The following LIMA1 variants were observed in gnomAD, a reference collection of about 807,000 sequenced individuals.
LIMA1 encodes LIM domain and actin binding 1, also known as LIM domain and actin-binding protein 1.
LIMA1 carries 52 observed loss-of-function variants against 62.6 expected under a neutral mutation model. The observed-to-expected ratio is 0.83, with a 90% CI of 0.67 to 1.05. The LOEUF (loss-of-function observed/expected upper bound fraction) is 1.05, where lower values mean the gene tolerates loss of function less well. LIMA1 is among the 50% of genes least tolerant of loss of function. The pLI is 0.00. For missense variants in LIMA1, 780 were observed against 902.2 expected, an observed-to-expected ratio of 0.86 and a Z score of 1.74; for synonymous variants, 302 against 317.8, an observed-to-expected ratio of 0.95 and a Z score of 0.53.
In LIMA1 at chr12:50,234,153, T is replaced by A. The variant is rs561163545; in HGVS notation, c.120-2443A>T. ...AGGTTTTCTCCATTTAAAGACTAAG[T>A]GGTCCGGAGATTTGTGCAGGTACAA... On this transcript the variant is annotated intron_variant, in intron 2 of 10. Transcript: ENST00000341247. The A allele has an allele frequency of 4.1e-4, 190 of 461,650 alleles. No individual in the cohort carries two copies. In the East Asian group the frequency reaches 0.013, roughly 31 times the overall value. The allele number at this position is 461,650 out of a possible 1,614,324, so 28.6% of individuals were successfully genotyped here. A position where few individuals can be genotyped will look rare whatever the true frequency, so the allele number is the denominator to read the frequency against.
At chr12:50,182,908 G>C (rs1940536244) in intron 9 of LIMA1, among the ~76,000 whole-genome samples, 1 of 152,136 alleles carries the variant, frequency 6.6e-6, no homozygotes, top group African/African-American at 2.4e-5. Context: ...CACATGATAA[G>C]AAATAGTTAC....
chr12:50,178,951 C>CATATATAT (rs535492365), intron 10 of LIMA1, among the ~76,000 whole-genome samples: 1 of 138,568 alleles, frequency 7.2e-6, no homozygotes, highest in African/African-American at 2.7e-5. Context: ...TATATAAATA[C>CATATATAT]ATATATATAT....
At position 50,177,762 on chromosome 12, in the gene LIMA1, G is replaced by T. The variant is rs1468342480; in HGVS notation, c.1582C>A (p.Leu528Met). The T allele has an allele frequency of 6.2e-7, 1 of 1,613,994 alleles. No individual in the cohort carries two copies. The highest frequency in any genetic ancestry group is 2.2e-5 in the East Asian group (1 of 44,892). ...KEDKPAETKK[L>M]RIAWPPPTEL... ...GTGGGGGGTGGCCAGGCGATCCTCA[G>T]CTTCTTGGTTTCAGCTGGCTTGTCT... Residue 528 changes from leucine to methionine, a missense_variant, in exon 11 of 11, where the codon CTG (leucine) becomes ATG (methionine). By Grantham distance (15) the Leu-to-Met change is conservative. Transcript: ENST00000341247.
At chr12:50,263,460 A>T (rs1942095869) in intron 1 of LIMA1, among the ~76,000 whole-genome samples, 1 of 152,204 alleles carries the variant, frequency 6.6e-6, no homozygotes, top group South Asian at 2.1e-4. Context: ...GAGCGATCAG[A>T]AGCAACATGT....
At chr12:50,263,857 GT>G (rs1305454310) in intron 1 of LIMA1, among the ~76,000 whole-genome samples, 4,868 of 125,642 alleles carry the variant, frequency 0.039, 294 homozygotes, top group African/African-American at 0.13. Flanking sequence ...TATATAGAGA[GT>G]ATATATATAT....
chr12:50,204,805 G>T (rs770240442), intron 5 of LIMA1, 105 bp from the exon 6 acceptor site: 1 of 1,087,254 alleles, frequency 9.2e-7, no homozygotes, highest in Non-Finnish European at 1.3e-6. Context: ...CTACAGCCTC[G>T]AACTCCTGAG....
At chr12:50,214,379 A>C (rs982669628) in intron 4 of LIMA1, among the ~76,000 whole-genome samples, 1 of 152,258 alleles carries the variant, frequency 6.6e-6, no homozygotes, top group African/African-American at 2.4e-5. Flanking sequence ...AGGTCAAGGT[A>C]AAAGTGAAGA....
chr12:50,258,291 C>T (rs1942023059), intron 1 of LIMA1, among the ~76,000 whole-genome samples: 1 of 136,162 alleles, frequency 7.3e-6, no homozygotes, highest in South Asian at 2.5e-4. Flanking sequence ...CATGTATACA[C>T]ACTGCTTTTT....
intron 6 of LIMA1, among the ~76,000 whole-genome samples, chr12:50,204,029 T>C (rs1253278867): frequency 6.6e-6 from 1 of 152,164 alleles, no homozygotes. Flanking sequence ...CTTGTGAATA[T>C]GCTAAGTATC....
At chr12:50,228,804 C>T (rs1291328219) in intron 3 of LIMA1, among the ~76,000 whole-genome samples, 2 of 152,212 alleles carry the variant, frequency 1.3e-5, no homozygotes, top group Admixed American at 6.5e-5. Context: ...CTCTAATCTG[C>T]TTTTACTGTA....
chr12:50,226,837 G>GA (rs1465263704), intron 3 of LIMA1, among the ~76,000 whole-genome samples: 6,673 of 110,370 alleles, frequency 0.06, 450 homozygotes, highest in African/African-American at 0.18. Context: ...GATTCCATAT[G>GA]AAAAAAAAAA....
chr12:50,254,781 C>T (rs1444537306), intron 1 of LIMA1, among the ~76,000 whole-genome samples: 2 of 152,104 alleles, frequency 1.3e-5, no homozygotes, highest in Admixed American at 6.6e-5. Context: ...CAAAAACAGC[C>T]GGGCGCGGTG....
At position 50,228,059 on chromosome 12, in the gene LIMA1, C is replaced by T. The variant is rs367813314; in HGVS notation, c.165+3606G>A. Among the ~76,000 whole-genome samples, 11 of 152,028 alleles carry T rather than the reference C, an allele frequency of 7.2e-5. No individual in the cohort carries two copies. In the South Asian group the frequency reaches 1.2e-3, roughly 17 times the overall value. The stretch of plus-strand genomic sequence containing the variant: ...ATTTTTAGTAGAGACGGGGTTTCAC[C>T]GTGTTAGCCAGGATGGTCTCGATCT... On this transcript the variant is annotated intron_variant, in intron 3 of 10. Coordinates refer to ENST00000341247, the MANE Select transcript of LIMA1 (RefSeq NM_016357.5).
chr12:50,179,783 C>T (rs1052736262), intron 10 of LIMA1, among the ~76,000 whole-genome samples: 4 of 151,708 alleles, frequency 2.6e-5, no homozygotes, highest in African/African-American at 9.7e-5. Context: ...CTCTGTCACC[C>T]AGGCTGGAGT....
At chr12:50,191,718 A>T (rs1940777094) in intron 9 of LIMA1, among the ~76,000 whole-genome samples, 1 of 152,192 alleles carries the variant, frequency 6.6e-6, no homozygotes, top group Non-Finnish European at 1.5e-5. Context: ...GCTACTCGGG[A>T]GGCCGAGGTA....
chr12:50,282,078 C>T (rs1942346084), intron 1 of LIMA1, among the ~76,000 whole-genome samples: 1 of 152,118 alleles, frequency 6.6e-6, no homozygotes, highest in Non-Finnish European at 1.5e-5. Flanking sequence ...TCTATCAATG[C>T]AAAACAAGAA....
chr12:50,182,121 T>G, intron 9 of LIMA1, 84 bp from the exon 10 acceptor site: 1 of 1,491,698 alleles, frequency 6.7e-7, no homozygotes, highest in East Asian at 2.3e-5. Context: ...TTACTTTGTC[T>G]AAGGGCTCCC....
chr12:50,275,709 A>C (rs898140628), intron 1 of LIMA1, among the ~76,000 whole-genome samples: 1 of 152,190 alleles, frequency 6.6e-6, no homozygotes, highest in Non-Finnish European at 1.5e-5. Context: ...TAACTGCATG[A>C]GCAAAGGCAC....
At chr12:50,209,567 CAAA>C (rs1203309856) in intron 4 of LIMA1, among the ~76,000 whole-genome samples, 1 of 61,698 alleles carries the variant, frequency 1.6e-5, no homozygotes, top group Non-Finnish European at 3.3e-5. Context: ...GACTCCATCT[CAAA>C]AAAAAAAAAA....
Sources: allele counts gnomAD v4.1 joint callset (sites outside exome capture counted in the v4.1 genomes callset), GRCh38; gene constraint gnomAD v4.1.1; transcripts MANE v1.5; gene names NCBI Gene and HGNC (gene_info 2026-07-23, HGNC 2026-07-21).